The following NRXN3 variants were observed in gnomAD, a reference collection of about 807,000 sequenced individuals.
NRXN3 encodes the protein neurexin 3.
NRXN3 carries 32 observed loss-of-function variants against 137.6 expected under a neutral mutation model. That is an observed-to-expected ratio of 0.23 (90% confidence interval 0.18 to 0.31). NRXN3 has a LOEUF of 0.31. NRXN3 is among the 10% of genes least tolerant of loss of function. The pLI is 1.00. For missense variants in NRXN3, 1,574 were observed against 2,062.5 expected (o/e 0.76, Z 4.59); for synonymous variants, 798 against 784.5 (o/e 1.02, Z -0.29).
At chr14:79,825,206 C>CTTTTT (rs11449914) in intron 20 of NRXN3, among the ~76,000 whole-genome samples, 16 of 117,774 alleles carry the variant, frequency 1.4e-4, no homozygotes, top group East Asian at 4.9e-4. Flanking sequence ...TCTTTGTGTG[C>CTTTTT]TTTTTTTTTT....
At chr14:79,549,795 A>G (rs998100918) in intron 16 of NRXN3, among the ~76,000 whole-genome samples, 14 of 152,052 alleles carry the variant, frequency 9.2e-5, no homozygotes, top group African/African-American at 3.4e-4. Flanking sequence ...GTGGCCCAGC[A>G]AATCCCCAAA....
chr14:79,507,075 TA>T (rs1012441169), intron 16 of NRXN3, among the ~76,000 whole-genome samples: 14 of 152,192 alleles, frequency 9.2e-5, no homozygotes, highest in African/African-American at 3.4e-4. Flanking sequence ...GTCACATTTC[TA>T]AAAAGGAAAA....
At chr14:79,174,488 T>C (rs2062097972) in intron 15 of NRXN3, among the ~76,000 whole-genome samples, 2 of 126,610 alleles carry the variant, frequency 1.6e-5, no homozygotes, top group African/African-American at 5.3e-5. Flanking sequence ...AATGGCAGTT[T>C]CTATTGAAAG....
chr14:79,554,574 C>T (rs75638882), intron 16 of NRXN3, among the ~76,000 whole-genome samples: 1,717 of 152,180 alleles, frequency 0.011, 21 homozygotes, highest in Middle Eastern at 0.037. Flanking sequence ...TGCTTATTAG[C>T]GTACTACTTG....
intron 3 of NRXN3, among the ~76,000 whole-genome samples, chr14:78,296,060 C>CA (rs2076300695): frequency 7.7e-6 from 1 of 130,218 alleles, no homozygotes; most frequent in African/African-American, 2.9e-5. Context: ...CTCTCTCTGT[C>CA]TTTTTTTTTT....
chr14:79,120,852 T>C (rs1266874744), intron 15 of NRXN3, among the ~76,000 whole-genome samples: 1 of 152,184 alleles, frequency 6.6e-6, no homozygotes, highest in African/African-American at 2.4e-5. Flanking sequence ...CAAAAATTGC[T>C]TACTCTTTAC....
intron 15 of NRXN3, among the ~76,000 whole-genome samples, chr14:79,268,680 C>A (rs2078821308): frequency 6.6e-6 from 1 of 152,100 alleles, no homozygotes; most frequent in African/African-American, 2.4e-5. Flanking sequence ...AATAGTAATG[C>A]CATTTAGACC....
chr14:78,789,146 C>T (rs1386880949), intron 8 of NRXN3, among the ~76,000 whole-genome samples: 3 of 152,158 alleles, frequency 2.0e-5, no homozygotes, highest in Non-Finnish European at 4.4e-5. Context: ...TCTTTCACTA[C>T]ACCACTTGGT....
At chr14:78,987,655 G>T (rs982386011) in intron 14 of NRXN3, among the ~76,000 whole-genome samples, 1 of 151,576 alleles carries the variant, frequency 6.6e-6, no homozygotes, top group Admixed American at 6.6e-5. Context: ...AGAATCATGG[G>T]AATGATTTTT....
chr14:79,808,346 T>C (rs2099218299), intron 20 of NRXN3, among the ~76,000 whole-genome samples: 1 of 151,354 alleles, frequency 6.6e-6, no homozygotes, highest in Admixed American at 6.6e-5. Flanking sequence ...CAGAAATCAG[T>C]TTCTTGGGCA....
chr14:78,505,797 A>ATT (rs11379720), intron 4 of NRXN3, among the ~76,000 whole-genome samples: 1 of 151,840 alleles, frequency 6.6e-6, no homozygotes, highest in East Asian at 1.9e-4. Flanking sequence ...GAAAATCTAT[A>ATT]TTTTTTGAAA....
chr14:79,283,424 A>G (rs2081625215), intron 15 of NRXN3, among the ~76,000 whole-genome samples: 2 of 152,132 alleles, frequency 1.3e-5, no homozygotes, highest in Admixed American at 1.3e-4. Context: ...ATCCAGACCT[A>G]TAGAGAGATT....
intron 15 of NRXN3, among the ~76,000 whole-genome samples, chr14:79,086,233 C>T (rs1029932197): frequency 4.6e-5 from 7 of 152,086 alleles, no homozygotes; most frequent in African/African-American, 1.7e-4. Flanking sequence ...CTATATTGCA[C>T]AGGATAGGGA....
chr14:78,709,841 C>T (rs934798911), intron 7 of NRXN3, 186 bp downstream of exon 7: 30 of 597,354 alleles, frequency 5.0e-5, no homozygotes, highest in African/African-American at 4.8e-4. Context: ...CTCACATTCT[C>T]CGCTTATCTC....
At chr14:79,554,683 G>A (rs1252416674) in intron 16 of NRXN3, among the ~76,000 whole-genome samples, 3 of 152,106 alleles carry the variant, frequency 2.0e-5, no homozygotes, top group Admixed American at 2.0e-4. Flanking sequence ...GTCACACAGG[G>A]TCCCTTGATA....
At chr14:78,284,470 G>A (rs1020461380) in intron 3 of NRXN3, among the ~76,000 whole-genome samples, 1 of 152,174 alleles carries the variant, frequency 6.6e-6, no homozygotes, top group Admixed American at 6.5e-5. Flanking sequence ...TCCTGAGGCT[G>A]TGTCAGAGTG....
chr14:78,279,570 G>A (rs773731904), intron 3 of NRXN3: 3 of 152,142 alleles, frequency 2.0e-5, no homozygotes, highest in South Asian at 2.1e-4. Flanking sequence ...TACGAGATAA[G>A]TATCATTATA....
intron 4 of NRXN3, among the ~76,000 whole-genome samples, chr14:78,400,152 G>T (rs1274060570): frequency 6.6e-6 from 1 of 152,094 alleles, no homozygotes; most frequent in African/African-American, 2.4e-5. Flanking sequence ...GCAGAAAAAG[G>T]CATTATTCCC....
At chr14:78,818,937 A>G (rs1454501531) in intron 10 of NRXN3, among the ~76,000 whole-genome samples, 2 of 152,156 alleles carry the variant, frequency 1.3e-5, no homozygotes, top group African/African-American at 4.8e-5. Context: ...GATTTTGTTC[A>G]GGGCTAATTC....
Sources: allele counts gnomAD v4.1 joint callset (sites outside exome capture counted in the v4.1 genomes callset), GRCh38; gene constraint gnomAD v4.1.1; transcripts MANE v1.5; gene names NCBI Gene and HGNC (gene_info 2026-07-23, HGNC 2026-07-21).